Variants in EIF2AK4 observed in about 807,000 individuals in gnomAD.
EIF2AK4 encodes eIF-2-alpha kinase GCN2.
Under a neutral mutation model 211.1 loss-of-function variants are expected in EIF2AK4, and 139 were observed. The ratio of observed to expected loss-of-function variants is 0.66; its 90% CI spans 0.57 to 0.76. The LOEUF (loss-of-function observed/expected upper bound fraction) is 0.76. EIF2AK4 is among the 30% of genes least tolerant of loss of function. EIF2AK4 has a pLI of 0.00. For missense variants in EIF2AK4, 1,664 were observed against 2,043.8 expected (o/e 0.81, Z 3.58); for synonymous variants, 710 against 751.3 (o/e 0.94, Z 0.90).
In EIF2AK4 at chr15:40,007,051, A is replaced by T; in HGVS notation, c.3393A>T (p.Ile1131=). 1 of 1,595,154 alleles carries T rather than the reference A, an allele frequency of 6.3e-7. No homozygotes were observed. Among genetic ancestry groups the T allele is most frequent in the Non-Finnish European group, 8.6e-7 (1 of 1,164,252 alleles). ...CAAGATATGTGGCAAGAAATAATAT[A>T]TTGAATTTAAAACGGTAAGAAACAA... ...PFARYVARNN[I]LNLKRYCIER... is the part of the protein sequence containing the mutation. Residue 1131 remains isoleucine (I), a synonymous_variant, in exon 24 of 39, where the codon ATA becomes ATT. Coordinates refer to ENST00000263791, the MANE Select transcript of EIF2AK4 (RefSeq NM_001013703.4).
rs2034655237 is a variant in EIF2AK4, at chr15:39,973,686, A to G, written c.1755A>G (p.Arg585=). The change falls in exon 11 of 39, where the codon CGA becomes CGG. Residue 585 remains arginine (R), a synonymous_variant. Transcript: ENST00000263791. The stretch of plus-strand genomic sequence containing the variant: ...GTGAGACACAGAGACAGTTTTCCCG[A>G]TACTTCATTGAGTTTGAAGAATTAC... The part of the protein sequence containing the change: ...FFSETQRQFS[R]YFIEFEELQL... The G allele has an allele frequency of 6.2e-6, 10 of 1,614,184 alleles. No homozygotes were observed. Among genetic ancestry groups the G allele is most frequent in the Non-Finnish European group, 7.6e-6 (9 of 1,180,010 alleles).
chr15:40,001,293 CAG>C (rs1473505644), intron 21 of EIF2AK4, 69 bp downstream of exon 21: 2 of 1,501,016 alleles, frequency 1.3e-6, no homozygotes, highest in Admixed American at 3.5e-5. Flanking sequence ...CAGTTTCTCA[CAG>C]ATTCTTTTAA....
At chr15:39,982,918 G>A (rs1288054841) in intron 13 of EIF2AK4, among the ~76,000 whole-genome samples, 1 of 152,166 alleles carries the variant, frequency 6.6e-6, no homozygotes, top group Non-Finnish European at 1.5e-5. Context: ...GTGTATATGT[G>A]CCACATTTTC....
intron 11 of EIF2AK4, 171 bp downstream of exon 11, chr15:39,973,920 G>T (rs578053524): frequency 6.3e-6 from 4 of 634,102 alleles, no homozygotes; most frequent in African/African-American, 3.7e-5. Flanking sequence ...TTTAAGTTAC[G>T]CTGGACACAG....
intron 3 of EIF2AK4, 106 bp downstream of exon 3, chr15:39,943,591 G>A: frequency 1.2e-6 from 1 of 849,072 alleles, no homozygotes; most frequent in East Asian, 2.7e-5. Context: ...TCTACAAAAG[G>A]GAACATTGTG....
chr15:40,020,082 G>A (rs907991963), intron 30 of EIF2AK4, among the ~76,000 whole-genome samples: 42 of 151,082 alleles, frequency 2.8e-4, no homozygotes, highest in Admixed American at 2.6e-3. Context: ...TGGGAGAATC[G>A]TTTGAACCCA....
intron 35 of EIF2AK4, among the ~76,000 whole-genome samples, chr15:40,031,831 T>C (rs938773667): frequency 9.2e-5 from 14 of 152,046 alleles, no homozygotes; most frequent in South Asian, 6.2e-4. Context: ...GTTCAAGCGA[T>C]TCTCCTGCCT....
chr15:40,031,671 C>A (rs552920393), intron 35 of EIF2AK4, among the ~76,000 whole-genome samples: 1 of 152,192 alleles, frequency 6.6e-6, no homozygotes, highest in African/African-American at 2.4e-5. Context: ...ATAAAAACCT[C>A]ATTTCCCCTG....
At chr15:39,934,512 A>C (rs950365381) in intron 1 of EIF2AK4, among the ~76,000 whole-genome samples, 173 bp downstream of exon 1, 7 of 152,146 alleles carry the variant, frequency 4.6e-5, no homozygotes, top group Non-Finnish European at 8.8e-5. Flanking sequence ...GGTCTGCAGA[A>C]TCCCACCTAG....
intron 25 of EIF2AK4, among the ~76,000 whole-genome samples, chr15:40,008,422 ATTC>A (rs1030117601): frequency 1.3e-5 from 2 of 152,152 alleles, no homozygotes; most frequent in Non-Finnish European, 2.9e-5. Context: ...TTCTCTGCCC[ATTC>A]TTCTAAAATG....
intron 11 of EIF2AK4, chr15:39,974,539 T>C (rs1320993737): frequency 6.6e-6 from 1 of 152,184 alleles, no homozygotes; most frequent in Non-Finnish European, 1.5e-5. Flanking sequence ...TTTCCTGTGG[T>C]AAAAGACAGA....
intron 7 of EIF2AK4, among the ~76,000 whole-genome samples, chr15:39,962,898 A>G (rs2034492691): frequency 6.6e-6 from 1 of 152,228 alleles, no homozygotes; most frequent in Admixed American, 6.5e-5. Context: ...AACCATTTGT[A>G]CATAGTGAAT....
intron 19 of EIF2AK4, among the ~76,000 whole-genome samples, chr15:39,997,680 T>G (rs754784621): frequency 2.6e-5 from 4 of 152,174 alleles, no homozygotes; most frequent in Non-Finnish European, 5.9e-5. Flanking sequence ...GAAAAAAATA[T>G]CTGCCCCTTG....
At chr15:40,016,407 C>T (rs2035303226) in intron 27 of EIF2AK4, 95 bp from the exon 28 acceptor site, 1 of 1,408,040 alleles carries the variant, frequency 7.1e-7, no homozygotes, top group East Asian at 2.3e-5. Flanking sequence ...CGTAGCATCC[C>T]ATGTGCTCCT....
At chr15:39,947,695 A>C (rs1482213640) in intron 3 of EIF2AK4, among the ~76,000 whole-genome samples, 4 of 152,216 alleles carry the variant, frequency 2.6e-5, no homozygotes, top group Non-Finnish European at 1.5e-5. Context: ...AGCGGTCTAG[A>C]GAGTGTGACA....
At chr15:40,016,812 A>G (rs1200323742) in intron 28 of EIF2AK4, 140 bp downstream of exon 28, 3 of 1,178,094 alleles carry the variant, frequency 2.5e-6, no homozygotes, top group Non-Finnish European at 3.5e-6. Context: ...GGAGCATTTG[A>G]TATTTAGTAA....
rs2035082276 is a variant in EIF2AK4 at position 40,001,012 on chromosome 15, A to C, written c.2947A>C (p.Asn983His). ...GAAATCAGTCATCTCCTGGCTGTTG[A>C]ACCACGATCCAGCAAAACGGCCCAC... Reference protein sequence around the residue: ...KQKSVISWLLNHDPAKRPTAT... With the variant: ...KQKSVISWLLHHDPAKRPTAT... Residue 983 changes from asparagine (N) to histidine (H), a missense_variant, in exon 21 of 39, where the codon AAC (asparagine) becomes CAC (histidine). Physicochemically the swap from Asn to His is moderately conservative, Grantham distance 68. Coordinates refer to ENST00000263791, the MANE Select transcript of EIF2AK4 (RefSeq NM_001013703.4). 1 of 1,614,072 alleles carries C rather than the reference A, an allele frequency of 6.2e-7. No individual in the cohort carries two copies. The highest frequency in any genetic ancestry group is 1.7e-5 in the Admixed American group (1 of 60,006).
intron 18 of EIF2AK4, 83 bp from the exon 19 acceptor site, chr15:39,996,881 C>A: frequency 1.0e-6 from 1 of 977,504 alleles, no homozygotes; most frequent in Non-Finnish European, 1.6e-6. Context: ...TTTATTTCAG[C>A]TAACAATGCT....
chr15:39,963,437 A>G (rs1378621733), intron 7 of EIF2AK4, among the ~76,000 whole-genome samples: 3 of 152,254 alleles, frequency 2.0e-5, no homozygotes, highest in African/African-American at 7.2e-5. Context: ...TTTCAGTTGG[A>G]GAATTTTTAA....
Sources: gnomAD v4.1 joint callset for allele counts (sites outside exome capture counted in the v4.1 genomes callset) on GRCh38, gnomAD v4.1.1 for gene constraint, MANE v1.5 for transcripts, NCBI Gene and HGNC (gene_info 2026-07-23, HGNC 2026-07-21) for gene names.